Variants in NT5DC1 observed in about 807,000 individuals in gnomAD.
The protein encoded by NT5DC1 is 5'-nucleotidase domain containing 1, also known as 5'-nucleotidase domain-containing protein 1.
Under a neutral mutation model 59.4 loss-of-function variants are expected in NT5DC1, and 42 were observed. The ratio of observed to expected loss-of-function variants is 0.71; its 90% CI spans 0.55 to 0.92. The LOEUF is 0.92. Among genes scored for constraint, NT5DC1 ranks in the 40% least tolerant of loss-of-function variants. NT5DC1 has a pLI of 0.00. For missense variants in NT5DC1, 501 were observed against 537.1 expected, an observed-to-expected ratio of 0.93 and a Z score of 0.66; for synonymous variants, 172 against 188.1, an observed-to-expected ratio of 0.91 and a Z score of 0.70.
At chr6:116,237,230 A>T (rs1167156272) in intron 9 of NT5DC1, 146 bp downstream of exon 9, 4 of 649,828 alleles carry the variant, frequency 6.2e-6, no homozygotes, top group South Asian at 5.4e-5. Context: ...GATAGAGAGG[A>T]GCAAGGATTC....
rs117509625 is a variant in NT5DC1, at chr6:116,175,412, G to A, written c.530-45642G>A. ...TGATGTGGTAGATTTTGAAGTAGGC[G>A]GAGTATTTATCTCACTGAACTTATT... On this transcript the variant is annotated intron_variant, in intron 6 of 11. Coordinates refer to ENST00000319550, the MANE Select transcript of NT5DC1 (RefSeq NM_152729.3). Among the ~76,000 whole-genome samples, 46 of 152,170 alleles carry A rather than the reference G, an allele frequency of 3.0e-4. No homozygotes were observed. The East Asian group carries it at 4.8e-3, about 16-fold the overall frequency.
intron 6 of NT5DC1, among the ~76,000 whole-genome samples, chr6:116,200,314 C>T (rs1440110791): frequency 2.0e-5 from 3 of 151,830 alleles, no homozygotes; most frequent in Non-Finnish European, 4.4e-5. Context: ...AACCAGTAAA[C>T]GTAATATGGT....
At chr6:116,240,989 C>CA (rs1247911843) in intron 11 of NT5DC1, among the ~76,000 whole-genome samples, 1 of 151,788 alleles carries the variant, frequency 6.6e-6, no homozygotes, top group Non-Finnish European at 1.5e-5. Flanking sequence ...ACTAAAAGTA[C>CA]AAAAATTAGC....
chr6:116,128,581 T>A (rs1315146083), intron 6 of NT5DC1, among the ~76,000 whole-genome samples: 2 of 152,194 alleles, frequency 1.3e-5, no homozygotes, highest in African/African-American at 4.8e-5. Flanking sequence ...CTGTGGATCG[T>A]TAATTAATTC....
chr6:116,117,781 T>G, intron 5 of NT5DC1, 80 bp from the exon 6 acceptor site: 1 of 756,400 alleles, frequency 1.3e-6, no homozygotes, highest in Non-Finnish European at 2.3e-6. Context: ...ACTGTCTGCA[T>G]TGTAATTGTT....
At chr6:116,124,052 G>A (rs1033691233) in intron 6 of NT5DC1, among the ~76,000 whole-genome samples, 2 of 151,830 alleles carry the variant, frequency 1.3e-5, no homozygotes, top group Admixed American at 6.6e-5. Context: ...TTCTTTACTA[G>A]CCTTTAAATT....
At chr6:116,121,289 C>G in intron 6 of NT5DC1, 1 of 1,613,990 alleles carries the variant, frequency 6.2e-7, no homozygotes, top group Non-Finnish European at 8.5e-7. Context: ...TCCTGGAATC[C>G]CTGGCTGGCC....
At chr6:116,194,020 C>T (rs1456790747) in intron 6 of NT5DC1, among the ~76,000 whole-genome samples, 1 of 151,998 alleles carries the variant, frequency 6.6e-6, no homozygotes, top group Non-Finnish European at 1.5e-5. Context: ...GTACTCCAGC[C>T]TGGGCAACAG....
At chr6:116,163,286 T>C (rs1780386779) in intron 6 of NT5DC1, among the ~76,000 whole-genome samples, 1 of 150,972 alleles carries the variant, frequency 6.6e-6, no homozygotes, top group Non-Finnish European at 1.5e-5. Flanking sequence ...TTATTACTGA[T>C]TCAATTTTAT....
At chr6:116,213,365 C>T (rs1440403464) in intron 6 of NT5DC1, among the ~76,000 whole-genome samples, 1 of 152,096 alleles carries the variant, frequency 6.6e-6, no homozygotes, top group East Asian at 1.9e-4. Flanking sequence ...CTATTCCTCA[C>T]AGCATCTCAG....
In NT5DC1 at chr6:116,202,113, C is replaced by G. The variant is rs536548795; in HGVS notation, c.530-18941C>G. Among the ~76,000 whole-genome samples, 5 of 152,072 alleles carry G rather than the reference C, an allele frequency of 3.3e-5. No individual in the cohort carries two copies. The South Asian group carries it at 8.3e-4, about 25-fold the overall frequency. On this transcript the variant is annotated intron_variant, in intron 6 of 11. Coordinates refer to ENST00000319550, the MANE Select transcript of NT5DC1 (RefSeq NM_152729.3). ...GTTGCAGGAACTGACTTAAATTTTA[C>G]TTAATTTAACTTGAAGTAGCCACGT...
chr6:116,228,279 CG>C (rs200478387), intron 8 of NT5DC1, among the ~76,000 whole-genome samples: 4,640 of 152,274 alleles, frequency 0.03, 227 homozygotes, highest in African/African-American at 0.1. Context: ...GAGGCTGAGG[CG>C]GACGAATCAC....
intron 11 of NT5DC1, among the ~76,000 whole-genome samples, chr6:116,239,996 A>C (rs1771667293): frequency 1.3e-5 from 2 of 152,214 alleles, no homozygotes; most frequent in Admixed American, 6.5e-5. Context: ...TTAAGAACTT[A>C]ACAGATGGAT....
intron 6 of NT5DC1, among the ~76,000 whole-genome samples, chr6:116,168,466 A>G (rs1041655631): frequency 6.6e-6 from 1 of 152,020 alleles, no homozygotes; most frequent in Non-Finnish European, 1.5e-5. Flanking sequence ...CAATTCTCTG[A>G]CAAAATCTTG....
At chr6:116,187,493 G>T (rs1781025985) in intron 6 of NT5DC1, among the ~76,000 whole-genome samples, 1 of 152,046 alleles carries the variant, frequency 6.6e-6, no homozygotes, top group East Asian at 1.9e-4. Flanking sequence ...CAGTAATTTG[G>T]TCAGAGTGCT....
Position 116,215,861 on chromosome 6 carries a change from G to A in NT5DC1, c.530-5193G>A, listed in dbSNP as rs551153471. 6.6e-5 allele frequency among the ~76,000 whole-genome samples: 10 copies of A among 152,120 alleles called. No homozygotes were observed. The East Asian group carries it at 9.7e-4, about 15-fold the overall frequency. On this transcript the variant is annotated intron_variant, in intron 6 of 11. Transcript: ENST00000319550. ...TAACATCCAAAAATTTTAAAATACT[G>A]CCGACCCAAAATCATATTTATAGAC...
intron 1 of NT5DC1, 80 bp downstream of exon 1, chr6:116,101,103 A>G: frequency 9.6e-7 from 1 of 1,045,654 alleles, no homozygotes. Context: ...GGTTTGGGCA[A>G]CGGCGGACGC....
intron 8 of NT5DC1, among the ~76,000 whole-genome samples, chr6:116,227,509 G>C (rs938236971): frequency 6.6e-6 from 1 of 151,994 alleles, no homozygotes; most frequent in Non-Finnish European, 1.5e-5. Context: ...TCATATGGTA[G>C]TTCTGTTTTT....
chr6:116,232,729 C>T lies in NT5DC1; in HGVS notation c.803-4237C>T, dbSNP rs1286752246. Among the ~76,000 whole-genome samples, 5 of 151,942 alleles carry T rather than the reference C, an allele frequency of 3.3e-5. No individual in the cohort carries two copies. The East Asian group carries it at 9.6e-4, about 29-fold the overall frequency. ...GTCTAGCCTTGACTGTATCATTGTC[C>T]CATATCTACTTTGTAACTATTATAC... is the stretch of plus-strand genomic sequence containing the variant. On this transcript the variant is annotated intron_variant, in intron 8 of 11. Coordinates refer to ENST00000319550, the MANE Select transcript of NT5DC1 (RefSeq NM_152729.3).
Sources: gnomAD v4.1 joint callset for allele counts (sites outside exome capture counted in the v4.1 genomes callset) on GRCh38, gnomAD v4.1.1 for gene constraint, MANE v1.5 for transcripts, NCBI Gene and HGNC (gene_info 2026-07-23, HGNC 2026-07-21) for gene names.